The following ANAPC10 variants were observed in gnomAD, a reference collection of about 807,000 sequenced individuals.
ANAPC10 encodes anaphase-promoting complex subunit 10.
In ANAPC10, 12 loss-of-function variants were observed where a neutral mutation model predicts 22.0. The ratio of observed to expected loss-of-function variants is 0.55; its 90% confidence interval spans 0.35 to 0.88. The LOEUF (loss-of-function observed/expected upper bound fraction) is 0.88. ANAPC10 is among the 40% of genes least tolerant of loss of function. The pLI, the probability that ANAPC10 is intolerant of heterozygous loss-of-function variation, is 0.01. For missense variants in ANAPC10, 188 were observed against 220.9 expected, an observed-to-expected ratio of 0.85 and a Z score of 0.94; for synonymous variants, 65 against 69.5, an observed-to-expected ratio of 0.94 and a Z score of 0.32.
intron 4 of ANAPC10, among the ~76,000 whole-genome samples, chr4:145,011,897 G>C (rs891721474): frequency 2.6e-5 from 4 of 152,036 alleles, no homozygotes; most frequent in Non-Finnish European, 5.9e-5. Flanking sequence ...CAAGGGGAAG[G>C]AGCATGAAAA....
chr4:145,003,822 A>G (rs926483724), intron 4 of ANAPC10, among the ~76,000 whole-genome samples: 2 of 152,040 alleles, frequency 1.3e-5, no homozygotes, highest in Non-Finnish European at 2.9e-5. Context: ...TGGCTATTTA[A>G]GCTCTTTTTT....
At chr4:145,012,482 T>C (rs1413056938) in intron 4 of ANAPC10, among the ~76,000 whole-genome samples, 1 of 152,034 alleles carries the variant, frequency 6.6e-6, no homozygotes, top group Non-Finnish European at 1.5e-5. Context: ...TTAATAAAAA[T>C]TCTACAGTTG....
At chr4:145,064,471 A>G in intron 4 of ANAPC10, 101 bp downstream of exon 4, 1 of 904,468 alleles carries the variant, frequency 1.1e-6, no homozygotes, top group Non-Finnish European at 1.5e-6. Context: ...TTTCTCTTAT[A>G]TATTAACATT....
At chr4:145,040,799 C>T (rs573535398) in intron 4 of ANAPC10, among the ~76,000 whole-genome samples, 51 of 151,952 alleles carry the variant, frequency 3.4e-4, no homozygotes, top group African/African-American at 1.1e-3. Flanking sequence ...GAATAAATAC[C>T]GACAACTCAA....
At chr4:145,005,664 T>C (rs931726622) in intron 4 of ANAPC10, among the ~76,000 whole-genome samples, 1 of 152,222 alleles carries the variant, frequency 6.6e-6, no homozygotes, top group Non-Finnish European at 1.5e-5. Context: ...ATTTTATCTT[T>C]GTTTTCATTA....
chr4:145,027,470 A>G (rs572766550), intron 4 of ANAPC10, among the ~76,000 whole-genome samples: 2 of 152,296 alleles, frequency 1.3e-5, no homozygotes, highest in South Asian at 2.1e-4. Flanking sequence ...AAAGAACACA[A>G]GAGTGTCTCC....
intron 4 of ANAPC10, among the ~76,000 whole-genome samples, chr4:145,043,297 ATAAAATAC>A (rs1739788837): frequency 6.6e-6 from 1 of 152,186 alleles, no homozygotes; most frequent in Non-Finnish European, 1.5e-5. Flanking sequence ...CTAATTATAG[ATAAAATAC>A]TAAAATACAT....
intron 3 of ANAPC10, among the ~76,000 whole-genome samples, chr4:145,072,719 T>C (rs1744661404): frequency 6.6e-6 from 1 of 152,184 alleles, no homozygotes; most frequent in African/African-American, 2.4e-5. Flanking sequence ...TCCTAAATTA[T>C]ACCAGATGGT....
intron 4 of ANAPC10, among the ~76,000 whole-genome samples, chr4:145,056,342 C>T (rs1402537116): frequency 4.6e-5 from 7 of 152,148 alleles, no homozygotes; most frequent in Admixed American, 2.6e-4. Context: ...CAGGAAGTTA[C>T]CCTATATGGT....
chr4:145,036,041 T>C (rs1348766067), intron 4 of ANAPC10, among the ~76,000 whole-genome samples: 1 of 152,134 alleles, frequency 6.6e-6, no homozygotes, highest in Non-Finnish European at 1.5e-5. Flanking sequence ...GTAACCAACA[T>C]TTTAAAAATT....
intron 4 of ANAPC10, among the ~76,000 whole-genome samples, chr4:145,025,327 A>C (rs1736497166): frequency 7.4e-6 from 1 of 135,404 alleles, no homozygotes; most frequent in Non-Finnish European, 1.6e-5. Flanking sequence ...TTTGGCTTTC[A>C]ACACGCCCCC....
intron 2 of ANAPC10, among the ~76,000 whole-genome samples, chr4:145,090,531 T>A (rs913771528): frequency 3.9e-5 from 6 of 152,216 alleles, no homozygotes; most frequent in African/African-American, 1.4e-4. Flanking sequence ...TTGGGCTAGT[T>A]CTACACTGAG....
intron 4 of ANAPC10, among the ~76,000 whole-genome samples, chr4:144,996,626 G>A (rs554440138): frequency 6.6e-6 from 1 of 152,116 alleles, no homozygotes; most frequent in Non-Finnish European, 1.5e-5. Flanking sequence ...ACAAAGATGG[G>A]GAGAAACCAG....
At chr4:145,092,768 C>G (rs919205530) in intron 2 of ANAPC10, among the ~76,000 whole-genome samples, 1 of 152,132 alleles carries the variant, frequency 6.6e-6, no homozygotes, top group African/African-American at 2.4e-5. Flanking sequence ...CTTCCAAACC[C>G]TTCTCTCCCA....
At chr4:145,084,180 C>T (rs1245405362) in intron 2 of ANAPC10, among the ~76,000 whole-genome samples, 1 of 152,154 alleles carries the variant, frequency 6.6e-6, no homozygotes, top group African/African-American at 2.4e-5. Context: ...GTAATCCAAA[C>T]ATGAATGGAT....
Position 145,026,920 on chromosome 4 carries a change from C to T in ANAPC10, c.328-31317G>A, listed in dbSNP as rs866021623. ...CAAATGAAGTTTTTGCCTATACATA[C>T]ATATATATATATATATATATATATA... On this transcript the variant is annotated intron_variant, in intron 4 of 4. Coordinates refer to ENST00000507656, the MANE Select transcript of ANAPC10 (RefSeq NM_001256706.2). Among the ~76,000 whole-genome samples, 5 of 17,038 alleles carry T rather than the reference C, an allele frequency of 2.9e-4. No individual in the cohort carries two copies. The Admixed American group carries it at 3.6e-3, about 12-fold the overall frequency. The allele number at this position is 17,038 out of a possible 152,430, so 11.2% of individuals were successfully genotyped here.
intron 4 of ANAPC10, among the ~76,000 whole-genome samples, chr4:145,049,640 CATGATCAT>C (rs1740816641): frequency 6.6e-6 from 1 of 152,112 alleles, no homozygotes. Context: ...AGTGCAATGG[CATGATCAT>C]GGCTCACTGG....
chr4:145,074,954 G>A (rs1744984421), intron 3 of ANAPC10, among the ~76,000 whole-genome samples: 1 of 151,990 alleles, frequency 6.6e-6, no homozygotes, highest in East Asian at 1.9e-4. Flanking sequence ...AAGCTACCAT[G>A]TCCCCCAAAG....
chr4:144,996,384 GAT>G, intron 4 of ANAPC10, among the ~76,000 whole-genome samples: 1 of 152,166 alleles, frequency 6.6e-6, no homozygotes, highest in East Asian at 1.9e-4. Flanking sequence ...GGAGAATCTA[GAT>G]ACTGGAGATC....
Sources: allele counts gnomAD v4.1 joint callset (sites outside exome capture counted in the v4.1 genomes callset), GRCh38; gene constraint gnomAD v4.1.1; transcripts MANE v1.5; gene names NCBI Gene and HGNC (gene_info 2026-07-23, HGNC 2026-07-21).